Variants in MYL12B observed in about 807,000 individuals in gnomAD.
The protein encoded by MYL12B is myosin regulatory light chain 12B.
MYL12B carries 3 observed loss-of-function variants against 12.9 expected under a neutral mutation model. The ratio of observed to expected loss-of-function variants is 0.23; its 90% CI spans 0.11 to 0.60. MYL12B has a LOEUF of 0.60. Among genes scored for constraint, MYL12B ranks in the 20% least tolerant of loss-of-function variants. MYL12B has a pLI of 0.89. For missense variants in MYL12B, 120 were observed against 215.4 expected (o/e 0.56, Z 2.77); for synonymous variants, 57 against 71.9 (o/e 0.79, Z 1.05).
intron 2 of MYL12B, among the ~76,000 whole-genome samples, chr18:3,276,037 A>G (rs2081728142): frequency 6.6e-6 from 1 of 152,026 alleles, no homozygotes; most frequent in Non-Finnish European, 1.5e-5. Context: ...TCTAGCTTTG[A>G]CTTAGTTGGG....
At chr18:3,270,442 C>T (rs2081668592) in intron 1 of MYL12B, among the ~76,000 whole-genome samples, 1 of 151,950 alleles carries the variant, frequency 6.6e-6, no homozygotes. Flanking sequence ...CCTTCTGTTT[C>T]CTTCTCTTGG....
chr18:3,274,975 A>G (rs1201827000), intron 2 of MYL12B, among the ~76,000 whole-genome samples: 6 of 152,210 alleles, frequency 3.9e-5, no homozygotes, highest in Non-Finnish European at 8.8e-5. Context: ...ATATACCCCC[A>G]AAAAAGGAAA....
chr18:3,274,422 T>C lies in MYL12B; in HGVS notation c.184+1340T>C, dbSNP rs146620353. On this transcript the variant is annotated intron_variant, in intron 2 of 3. Transcript: ENST00000237500. ...AGAACAATTTCAGCCTAATTAAATT[T>C]AATGGAGTTTAATTGAGCAATGAAC... is the stretch of plus-strand genomic sequence containing the variant. 1.7e-3 allele frequency among the ~76,000 whole-genome samples: 256 copies of C among 147,952 alleles called. 4 individuals carry two copies. Among genetic ancestry groups the C allele is most frequent in the African/African-American group, 6.0e-3 (238 of 39,722 alleles).
In MYL12B at chr18:3,277,364, C is replaced by T; in HGVS notation, c.296C>T (p.Pro99Leu). Residue 99 changes from proline to leucine, a missense_variant, in exon 3 of 4, where the codon CCT (proline) becomes CTT (leucine). By Grantham distance (98) the Pro-to-Leu change is moderately conservative. Transcript: ENST00000237500. ...MFGEKLNGTD[P>L]EDVIRNAFAC... Reference sequence around the variant, plus strand: ...GGTGAGAAGTTAAATGGCACAGATCCTGAAGATGTCATCAGAAACGCCTTT... The same window carrying T: ...GGTGAGAAGTTAAATGGCACAGATCTTGAAGATGTCATCAGAAACGCCTTT... The T allele has an allele frequency of 6.2e-7, 1 of 1,614,004 alleles. No individual in the cohort carries two copies. Among genetic ancestry groups the T allele is most frequent in the East Asian group, 2.2e-5 (1 of 44,874 alleles).
chr18:3,273,115 TA>T, intron 2 of MYL12B, 33 bp downstream of exon 2: 1 of 1,520,408 alleles, frequency 6.6e-7, no homozygotes, highest in African/African-American at 1.4e-5. Context: ...GTATTTTCCC[TA>T]AAATAATAAT....
intron 1 of MYL12B, among the ~76,000 whole-genome samples, chr18:3,270,968 G>A (rs1348221522): frequency 2.6e-5 from 4 of 152,050 alleles, no homozygotes; most frequent in African/African-American, 7.3e-5. Flanking sequence ...CACCGCACCC[G>A]GCCTGATTCG....
At chr18:3,270,241 T>G (rs969714233) in intron 1 of MYL12B, among the ~76,000 whole-genome samples, 1 of 152,182 alleles carries the variant, frequency 6.6e-6, no homozygotes, top group Non-Finnish European at 1.5e-5. Flanking sequence ...CAACTTTGCC[T>G]CACTTTTCAG....
At chr18:3,263,758 G>C (rs2081614812) in intron 1 of MYL12B, among the ~76,000 whole-genome samples, 1 of 152,148 alleles carries the variant, frequency 6.6e-6, no homozygotes, top group Non-Finnish European at 1.5e-5. Flanking sequence ...CATTAGCTTT[G>C]GGGTGTCATT....
intron 2 of MYL12B, among the ~76,000 whole-genome samples, chr18:3,275,119 A>G (rs969851823): frequency 3.9e-5 from 6 of 152,228 alleles, no homozygotes; most frequent in South Asian, 2.1e-4. Flanking sequence ...CTTATGTACA[A>G]TGGAATACTG....
At chr18:3,277,560 A>G (rs1453506602) in intron 3 of MYL12B, 146 bp downstream of exon 3, 2 of 1,368,934 alleles carry the variant, frequency 1.5e-6, no homozygotes, top group Non-Finnish European at 2.0e-6. Context: ...GAGCTTTTAA[A>G]TGATTTGATC....
chr18:3,271,968 G>C (rs185715457), intron 1 of MYL12B: 1 of 713,618 alleles, frequency 1.4e-6, no homozygotes, highest in Non-Finnish European at 1.7e-6. Flanking sequence ...AGTTTGGGAG[G>C]ATCTCGAGCC....
chr18:3,278,134 A>G lies in MYL12B; in HGVS notation c.*197A>G, dbSNP rs2081749171. ...ACTGGAAATGGGGATGAGGGTGTAA[A>G]TTGTATTGAAAAAGATCGCGAATAA... On this transcript the variant is annotated 3_prime_UTR_variant, in exon 4 of 4. Transcript: ENST00000237500. The G allele has an allele frequency of 2.1e-6, 1 of 486,474 alleles. No individual in the cohort carries two copies. The highest frequency in any genetic ancestry group is 5.7e-5 in the South Asian group (1 of 17,522). 30.1% of individuals were successfully genotyped at this position (486,474 alleles called of 1,614,324 possible).
Position 3,277,857 on chromosome 18 carries a change from C to T in MYL12B, c.439C>T (p.Pro147Ser). 1.2e-6 allele frequency: 2 copies of T among 1,613,936 alleles called. No individual in the cohort carries two copies. The highest frequency in any genetic ancestry group is 1.7e-6 in the Non-Finnish European group (2 of 1,179,938). Residue 147 changes from proline to serine, a missense_variant, in exon 4 of 4, where the codon CCT becomes TCT. Coordinates refer to ENST00000237500, the MANE Select transcript of MYL12B (RefSeq NM_033546.4). Reference protein sequence around the residue: ...EEVDELYREAPIDKKGNFNYI... With the variant: ...EEVDELYREASIDKKGNFNYI... Reference sequence around the variant, plus strand: ...AGTGGATGAGCTGTACAGAGAAGCACCTATTGACAAAAAGGGGAATTTCAA... The same window carrying T: ...AGTGGATGAGCTGTACAGAGAAGCATCTATTGACAAAAAGGGGAATTTCAA...
chr18:3,268,904 C>T (rs2081655241), intron 1 of MYL12B, among the ~76,000 whole-genome samples: 1 of 152,152 alleles, frequency 6.6e-6, no homozygotes. Flanking sequence ...CATAATGTTT[C>T]TAGCACATGA....
At chr18:3,265,477 C>T (rs2081627832) in intron 1 of MYL12B, among the ~76,000 whole-genome samples, 3 of 152,278 alleles carry the variant, frequency 2.0e-5, no homozygotes, top group South Asian at 2.1e-4. Context: ...CTACTCTCTG[C>T]TTTTCTGTGT....
At chr18:3,272,025 C>T in intron 1 of MYL12B, 1 of 980,322 alleles carries the variant, frequency 1.0e-6, no homozygotes, top group Non-Finnish European at 1.2e-6. Context: ...AACCCCCCAT[C>T]TCTAAAATAA....
intron 1 of MYL12B, among the ~76,000 whole-genome samples, chr18:3,272,422 A>G (rs1440657923): frequency 6.6e-6 from 1 of 150,720 alleles, no homozygotes; most frequent in Admixed American, 6.6e-5. Context: ...GTGCTTGGCC[A>G]GAGTAAGTAC....
At chr18:3,268,386 G>A (rs1391967939) in intron 1 of MYL12B, among the ~76,000 whole-genome samples, 1 of 149,066 alleles carries the variant, frequency 6.7e-6, no homozygotes, top group Non-Finnish European at 1.5e-5. Flanking sequence ...AGTTTTTTGT[G>A]TTTTTGTTTG....
At chr18:3,275,923 G>A (rs887113976) in intron 2 of MYL12B, among the ~76,000 whole-genome samples, 12 of 152,142 alleles carry the variant, frequency 7.9e-5, no homozygotes, top group Non-Finnish European at 1.5e-5. Flanking sequence ...AATCAGGTAG[G>A]ACTGCAATGC....
Sources: gnomAD v4.1 joint callset for allele counts (sites outside exome capture counted in the v4.1 genomes callset) on GRCh38, gnomAD v4.1.1 for gene constraint, MANE v1.5 for transcripts, NCBI Gene and HGNC (gene_info 2026-07-23, HGNC 2026-07-21) for gene names.